The following PHLPP2 variants were observed in gnomAD, a reference collection of about 807,000 sequenced individuals.
PHLPP2 encodes the protein PH domain and leucine rich repeat protein phosphatase 2, also known as PH domain leucine-rich repeat-containing protein phosphatase 2.
Under a neutral mutation model 124.9 loss-of-function variants are expected in PHLPP2, and 66 were observed. That is an observed-to-expected ratio of 0.53 (90% CI 0.43 to 0.65). The LOEUF (loss-of-function observed/expected upper bound fraction) is 0.65. PHLPP2 is among the 30% of genes least tolerant of loss of function. PHLPP2 has a pLI of 0.00. For missense variants in PHLPP2, 1,685 were observed against 1,600.4 expected (o/e 1.05, Z -0.90); for synonymous variants, 681 against 624.7 (o/e 1.09, Z -1.34).
intron 9 of PHLPP2, among the ~76,000 whole-genome samples, chr16:71,672,669 A>T (rs564488225): frequency 6.6e-6 from 1 of 152,376 alleles, no homozygotes; most frequent in African/African-American, 2.4e-5. Flanking sequence ...TATAACAAAA[A>T]TACAGAAGAG....
chr16:71,720,191 G>C (rs1471223535), intron 1 of PHLPP2, among the ~76,000 whole-genome samples: 5 of 151,612 alleles, frequency 3.3e-5, no homozygotes, highest in Non-Finnish European at 7.4e-5. Flanking sequence ...GGATGGTCTC[G>C]ATCTCCTGAC....
chr16:71,699,450 G>C (rs1039834520), intron 3 of PHLPP2, among the ~76,000 whole-genome samples: 2 of 152,204 alleles, frequency 1.3e-5, no homozygotes, highest in African/African-American at 4.8e-5. Context: ...GACTTCAGAA[G>C]ACAGTGGCAG....
chr16:71,654,107 A>C lies in PHLPP2; in HGVS notation c.2586-1086T>G, dbSNP rs11860126. On this transcript the variant is annotated intron_variant, in intron 17 of 18. Transcript: ENST00000568954. ...CTACTCGGGAGGCTGAGGCAGGAGA[A>C]TGGCGTGAACCCGGGAGACGGAGCT... is the stretch of plus-strand genomic sequence containing the variant. Among the ~76,000 whole-genome samples, 839 of 147,220 alleles carry C rather than the reference A, an allele frequency of 5.7e-3. 13 individuals are homozygous for C. The highest frequency in any genetic ancestry group is 0.02 in the African/African-American group (809 of 40,544).
In PHLPP2 at chr16:71,678,938, T is replaced by A; in HGVS notation, c.1085A>T (p.Glu362Val). ...AAGCTGTTGTAGATTTCCCAATTCT[T>A]CAGGTAAAGTAGTCAGAAAGTTGCC... ...LDGNFLTTLP[E>V]ELGNLQQLSS... Residue 362 changes from glutamate to valine, a missense_variant, in exon 8 of 19, where the codon GAA becomes GTA. Glu to Val is a moderately radical substitution (Grantham distance 121). Coordinates refer to ENST00000568954, the MANE Select transcript of PHLPP2 (RefSeq NM_015020.3). 1 of 1,613,004 alleles carries A rather than the reference T, an allele frequency of 6.2e-7. No homozygotes were observed. The highest frequency in any genetic ancestry group is 8.5e-7 in the Non-Finnish European group (1 of 1,179,188).
Position 71,649,172 on chromosome 16 carries a change from G to A in PHLPP2, c.3690C>T (p.Pro1230=). 1 of 1,614,128 alleles carries A rather than the reference G, an allele frequency of 6.2e-7. No homozygotes were observed. The highest frequency in any genetic ancestry group is 1.3e-5 in the African/African-American group (1 of 75,034). Residue 1230 remains proline (P), a synonymous_variant, in exon 19 of 19, where the codon CCC becomes CCT. Coordinates refer to ENST00000568954, the MANE Select transcript of PHLPP2 (RefSeq NM_015020.3). The part of the protein sequence containing the change: ...SKDRMELQKS[P]STSCLYGKKL... ...TCTTCCCATAGAGGCAGGAGGTGGA[G>A]GGAGACTTCTGTAACTCCATCCTGT...
Position 71,649,448 on chromosome 16 carries a change from G to A in PHLPP2, c.3414C>T (p.Phe1138=). The A allele has an allele frequency of 1.2e-6, 2 of 1,614,126 alleles. No individual in the cohort carries two copies. The highest frequency in any genetic ancestry group is 1.7e-6 in the Non-Finnish European group (2 of 1,180,020). The part of the protein sequence containing the change: ...LFQRQPSSAT[F]SSNQSDNGLD... ...GGCCGTTGTCAGACTGGTTACTGGA[G>A]AAGGTAGCAGAAGAAGGCTGGCGCT... The change falls in exon 19 of 19, where the codon TTC becomes TTT. Residue 1138 remains phenylalanine, a synonymous_variant. Coordinates refer to ENST00000568954, the MANE Select transcript of PHLPP2 (RefSeq NM_015020.3).
rs760114488 is a variant in PHLPP2, at chr16:71,684,545, T to C, written c.666A>G (p.Gln222=). The change falls in exon 5 of 19, where the codon CAA becomes CAG. Residue 222 remains glutamine, a synonymous_variant. Transcript: ENST00000568954. ...CGAAGCTGACATGATAGGTCTGAGC[T>C]TGGGCTCCTGCTGAGCTGAAAGCAA... ...YSLAFSSAGA[Q]AQTYHVSFET... is the part of the protein sequence containing the mutation. The C allele has an allele frequency of 2.5e-6, 4 of 1,613,852 alleles. No individual in the cohort carries two copies. In the East Asian group the frequency reaches 8.9e-5, roughly 36 times the overall value.
At chr16:71,688,872 T>C (rs1334916999) in intron 4 of PHLPP2, among the ~76,000 whole-genome samples, 1 of 152,194 alleles carries the variant, frequency 6.6e-6, no homozygotes, top group East Asian at 1.9e-4. Context: ...ATTAAACTAG[T>C]AGGGATTTCA....
intron 3 of PHLPP2, among the ~76,000 whole-genome samples, chr16:71,696,354 T>C (rs2145361378): frequency 6.6e-6 from 1 of 152,214 alleles, no homozygotes; most frequent in African/African-American, 2.4e-5. Context: ...ATTTTAAATG[T>C]GGCCGGGCGC....
Position 71,653,082 on chromosome 16 carries a change from C to G in PHLPP2, c.2586-61G>C, listed in dbSNP as rs2044709374. ...CTAGTTTTAGAAGAAAGTGGTGGTC[C>G]TGCACGTACATCCCTTCTTTTTTTT... is the stretch of plus-strand genomic sequence containing the variant. On this transcript the variant is annotated intron_variant, in intron 17 of 18. Transcript: ENST00000568954. 18 of 1,006,920 alleles carry G rather than the reference C, an allele frequency of 1.8e-5. 1 individual carries two copies. In the South Asian group the frequency reaches 2.6e-4, roughly 14 times the overall value. The allele number at this position is 1,006,920 out of a possible 1,614,324, so 62.4% of individuals were successfully genotyped here. A position where few individuals can be genotyped will look rare whatever the true frequency, so the allele number is the denominator to read the frequency against.
chr16:71,682,468 T>A (rs1009192638), intron 5 of PHLPP2, among the ~76,000 whole-genome samples: 6 of 151,868 alleles, frequency 4.0e-5, no homozygotes, highest in Non-Finnish European at 4.4e-5. Flanking sequence ...CAGGCGTGAG[T>A]CACAGCACCC....
At position 71,648,361 on chromosome 16, in the gene PHLPP2, A is replaced by C. The variant is rs1488584984; in HGVS notation, c.*529T>G. 2 of 159,390 alleles carry C rather than the reference A, an allele frequency of 1.3e-5. No homozygotes were observed. The highest frequency in any genetic ancestry group is 2.8e-5 in the Non-Finnish European group (2 of 70,934). 9.9% of individuals were successfully genotyped at this position (159,390 alleles called of 1,614,324 possible). Reference sequence around the variant, plus strand: ...CCAGTACCCCTGGGAATTCCAATGCAGGTTAAATGTGAAACTTAACACTGA... The same window carrying C: ...CCAGTACCCCTGGGAATTCCAATGCCGGTTAAATGTGAAACTTAACACTGA... On this transcript the variant is annotated 3_prime_UTR_variant, in exon 19 of 19. Coordinates refer to ENST00000568954, the MANE Select transcript of PHLPP2 (RefSeq NM_015020.3).
chr16:71,686,019 C>G (rs1597004630), intron 4 of PHLPP2, among the ~76,000 whole-genome samples: 1 of 152,120 alleles, frequency 6.6e-6, no homozygotes, highest in Non-Finnish European at 1.5e-5. Flanking sequence ...GGCAGGAGAA[C>G]TGCTTGAATC....
Position 71,647,524 on chromosome 16 carries a change from G to C in PHLPP2, c.*1366C>G, listed in dbSNP as rs943661246. On this transcript the variant is annotated 3_prime_UTR_variant, in exon 19 of 19. Coordinates refer to ENST00000568954, the MANE Select transcript of PHLPP2 (RefSeq NM_015020.3). The stretch of plus-strand genomic sequence containing the variant: ...ATAGGAGAAGGAACAAGTCTAACCT[G>C]AGTGCTCCATCCATCTGTTCTCATT... 5 of 152,222 alleles carry C rather than the reference G, an allele frequency of 3.3e-5. No homozygotes were observed. The highest frequency in any genetic ancestry group is 2.6e-4 in the Admixed American group (4 of 15,270). The allele number at this position is 152,222 out of a possible 1,614,324, so 9.4% of individuals were successfully genotyped here.
At position 71,648,795 on chromosome 16, in the gene PHLPP2, G is replaced by T; in HGVS notation, c.*95C>A. 3.3e-6 allele frequency: 3 copies of T among 910,452 alleles called. No individual in the cohort carries two copies. Among genetic ancestry groups the T allele is most frequent in the Non-Finnish European group, 3.4e-6 (2 of 590,812 alleles). The allele number at this position is 910,452 out of a possible 1,614,324, so 56.4% of individuals were successfully genotyped here. On this transcript the variant is annotated 3_prime_UTR_variant, in exon 19 of 19. Transcript: ENST00000568954. ...CAAAACAAACAAACAAAAAAAAAAC[G>T]AACAAACAAAAAGAAATGTAGAGGC...
intron 2 of PHLPP2, among the ~76,000 whole-genome samples, chr16:71,706,064 A>G (rs567356185): frequency 6.6e-6 from 1 of 152,338 alleles, no homozygotes; most frequent in South Asian, 2.1e-4. Context: ...AATCAAAGGG[A>G]AATAATATAC....
At chr16:71,719,533 A>G (rs773809168) in intron 1 of PHLPP2, among the ~76,000 whole-genome samples, 1 of 152,122 alleles carries the variant, frequency 6.6e-6, no homozygotes, top group Non-Finnish European at 1.5e-5. Context: ...CAATGAGGCT[A>G]TCTCTCTAAA....
chr16:71,656,982 G>GC (rs1212699918), intron 15 of PHLPP2, among the ~76,000 whole-genome samples: 1 of 151,264 alleles, frequency 6.6e-6, no homozygotes, highest in Non-Finnish European at 1.5e-5. Flanking sequence ...TCCCTCTGTT[G>GC]CCCAGGCTGG....
chr16:71,686,384 G>A (rs1470542813), intron 4 of PHLPP2, among the ~76,000 whole-genome samples: 4 of 151,994 alleles, frequency 2.6e-5, no homozygotes, highest in African/African-American at 7.3e-5. Flanking sequence ...ATGTTGCCCA[G>A]GCTGGTCTTG....
Sources: allele counts gnomAD v4.1 joint callset (sites outside exome capture counted in the v4.1 genomes callset), GRCh38; gene constraint gnomAD v4.1.1; transcripts MANE v1.5; gene names NCBI Gene and HGNC (gene_info 2026-07-23, HGNC 2026-07-21).